Variants in RGS6 observed in about 807,000 individuals in gnomAD.
RGS6 encodes the protein regulator of G-protein signaling 6.
In RGS6, 30 loss-of-function variants were observed where a neutral mutation model predicts 78.5. The observed-to-expected ratio is 0.38, with a 90% confidence interval of 0.29 to 0.52. The LOEUF (loss-of-function observed/expected upper bound fraction) is 0.52, where lower values mean the gene tolerates loss of function less well. Among genes scored for constraint, RGS6 ranks in the 20% least tolerant of loss-of-function variants. The probability of loss-of-function intolerance (pLI) is 0.85; values close to 1 mark genes in which losing one functional copy is unlikely to be tolerated. For synonymous variants in RGS6, 206 were observed against 206.0 expected, an observed-to-expected ratio of 1.00 and a Z score of 0.00; for missense variants, 495 against 609.7, an observed-to-expected ratio of 0.81 and a Z score of 1.98.
the RGS6 span, among the ~76,000 whole-genome samples, chr14:72,613,235 C>T: frequency 6.6e-6 from 1 of 152,154 alleles, no homozygotes; most frequent in Non-Finnish European, 1.5e-5. Context: ...AGGCCTCTGC[C>T]ATTTCCTACA....
At chr14:72,538,451 G>A (rs886979212) in intron 16 of RGS6, among the ~76,000 whole-genome samples, 1 of 152,178 alleles carries the variant, frequency 6.6e-6, no homozygotes, top group African/African-American at 2.4e-5. Context: ...GAGTCCTGAG[G>A]GCTACTCTAG....
At position 71,956,359 on chromosome 14, in the gene RGS6, A is replaced by G. The variant is rs879428682; in HGVS notation, c.-20-8413A>G. On this transcript the variant is annotated intron_variant, in intron 1 of 17. Coordinates refer to ENST00000553525, the MANE Select transcript of RGS6 (RefSeq NM_001204424.2). ...TGTGTGTGTGTGTGTGTGTGTGTGT[A>G]TATTCTATTTTTATATATACAATAG... Among the ~76,000 whole-genome samples, 637 of 144,468 alleles carry G rather than the reference A, an allele frequency of 4.4e-3. 2 individuals are homozygous for G. The highest frequency in any genetic ancestry group is 7.3e-3 in the Non-Finnish European group (479 of 65,598). 94.8% of individuals were successfully genotyped at this position (144,468 alleles called of 152,430 possible).
At chr14:72,402,155 C>T (rs1289546112) in intron 3 of RGS6, among the ~76,000 whole-genome samples, 1 of 152,172 alleles carries the variant, frequency 6.6e-6, no homozygotes, top group Non-Finnish European at 1.5e-5. Context: ...TGAACCCAGC[C>T]AGAAGGCAAA....
intron 14 of RGS6, among the ~76,000 whole-genome samples, chr14:72,512,086 A>G (rs948388955): frequency 1.3e-5 from 2 of 151,894 alleles, no homozygotes; most frequent in Admixed American, 1.3e-4. Context: ...CCTATGAGCC[A>G]CCCCTGGGAG....
chr14:72,216,438 G>A (rs564979031), intron 2 of RGS6, among the ~76,000 whole-genome samples: 122 of 152,292 alleles, frequency 8.0e-4, no homozygotes, highest in African/African-American at 2.7e-3. Context: ...GTAAGGCACC[G>A]CACCAACACG....
chr14:72,584,027 C>G, the RGS6 span, among the ~76,000 whole-genome samples: 3 of 152,088 alleles, frequency 2.0e-5, no homozygotes, highest in Non-Finnish European at 4.4e-5. Flanking sequence ...AACTGGTGGC[C>G]AAGGAAGCAG....
intron 2 of RGS6, among the ~76,000 whole-genome samples, chr14:72,181,700 A>T (rs1450203300): frequency 6.6e-6 from 1 of 152,216 alleles, no homozygotes; most frequent in African/African-American, 2.4e-5. Context: ...GATATGGTAA[A>T]ATAATCAGGT....
chr14:72,403,548 A>T (rs2092661035), intron 3 of RGS6, among the ~76,000 whole-genome samples: 1 of 152,190 alleles, frequency 6.6e-6, no homozygotes, highest in Admixed American at 6.5e-5. Flanking sequence ...CTGTTGGGTG[A>T]CTACAGTTAA....
chr14:72,517,804 C>T (rs1338808382), intron 14 of RGS6, among the ~76,000 whole-genome samples: 2 of 152,186 alleles, frequency 1.3e-5, no homozygotes, highest in African/African-American at 2.4e-5. Flanking sequence ...ATTTTGATGC[C>T]ATCACTTGAT....
intron 1 of RGS6, among the ~76,000 whole-genome samples, chr14:71,947,544 G>A (rs1403919816): frequency 6.6e-6 from 1 of 152,074 alleles, no homozygotes; most frequent in South Asian, 2.1e-4. Context: ...GATTGCAGTG[G>A]CGTGGTGTTG....
chr14:72,303,669 CT>C (rs1160997927), intron 2 of RGS6, among the ~76,000 whole-genome samples: 1 of 152,124 alleles, frequency 6.6e-6, no homozygotes, highest in Non-Finnish European at 1.5e-5. Context: ...GAAATGGACT[CT>C]TTTTTACCCC....
At chr14:72,044,225 G>T (rs2092660429) in intron 2 of RGS6, among the ~76,000 whole-genome samples, 1 of 152,098 alleles carries the variant, frequency 6.6e-6, no homozygotes, top group African/African-American at 2.4e-5. Context: ...TTTCCCATCA[G>T]TGTTCTTAAC....
rs77134191 is a variant in RGS6 at position 72,011,126 on chromosome 14, C to T, written c.84+46251C>T. 2.9e-3 allele frequency among the ~76,000 whole-genome samples: 437 copies of T among 152,352 alleles called. 2 individuals are homozygous for T. The highest frequency in any genetic ancestry group is 7.0e-3 in the African/African-American group (293 of 41,592). On this transcript the variant is annotated intron_variant, in intron 2 of 17. Coordinates refer to ENST00000553525, the MANE Select transcript of RGS6 (RefSeq NM_001204424.2). ...TCCTTTGACAGATCCTTTTCCTCCT[C>T]TTTGAGTCTCCTTCCGGTTCAGCAG...
At chr14:72,089,871 C>G (rs2095201955) in intron 2 of RGS6, among the ~76,000 whole-genome samples, 1 of 152,110 alleles carries the variant, frequency 6.6e-6, no homozygotes, top group Non-Finnish European at 1.5e-5. Flanking sequence ...GACGGTCCTT[C>G]CTTCTCCCTC....
intron 3 of RGS6, among the ~76,000 whole-genome samples, chr14:72,380,504 G>T (rs982008318): frequency 1.3e-5 from 2 of 150,560 alleles, no homozygotes; most frequent in African/African-American, 4.9e-5. Context: ...TTTTAAAATG[G>T]GCAAATAATC....
chr14:71,969,499 A>G (rs2093688747), intron 2 of RGS6, among the ~76,000 whole-genome samples: 1 of 152,114 alleles, frequency 6.6e-6, no homozygotes, highest in South Asian at 2.1e-4. Context: ...GAGGCATGGC[A>G]GATGTCACAC....
At chr14:72,236,051 C>T (rs1439734324) in intron 2 of RGS6, among the ~76,000 whole-genome samples, 1 of 152,160 alleles carries the variant, frequency 6.6e-6, no homozygotes, top group Non-Finnish European at 1.5e-5. Flanking sequence ...AAAATGTATT[C>T]TTACAGCAGC....
chr14:72,291,569 A>G (rs72721876), intron 2 of RGS6, among the ~76,000 whole-genome samples: 17,017 of 152,246 alleles, frequency 0.11, 1,307 homozygotes, highest in Non-Finnish European at 0.16. Context: ...TACCTAATCA[A>G]GTTCTTTGAA....
the RGS6 span, among the ~76,000 whole-genome samples, chr14:72,612,243 A>G: frequency 2.0e-5 from 3 of 152,250 alleles, no homozygotes; most frequent in Admixed American, 2.0e-4. Flanking sequence ...GCATCTGACC[A>G]TTCATTGCAA....
Sources: allele counts gnomAD v4.1 joint callset (sites outside exome capture counted in the v4.1 genomes callset), GRCh38; gene constraint gnomAD v4.1.1; transcripts MANE v1.5; gene names NCBI Gene and HGNC (gene_info 2026-07-23, HGNC 2026-07-21).